CFAP44: variants seen among roughly 807,000 people sequenced by gnomAD.
The protein encoded by CFAP44 is cilia- and flagella-associated protein 44.
CFAP44 carries 134 observed loss-of-function variants against 216.2 expected under a neutral mutation model. That is an observed-to-expected ratio of 0.62 (90% CI 0.54 to 0.72). CFAP44 has a LOEUF of 0.72. CFAP44 is among the 30% of genes least tolerant of loss of function. The pLI, the probability that CFAP44 is intolerant of heterozygous loss-of-function variation, is 0.00. For missense variants in CFAP44, 2,035 were observed against 2,182.1 expected (o/e 0.93, Z 1.34); for synonymous variants, 700 against 727.6 (o/e 0.96, Z 0.61).
At chr3:113,343,862 A>G (rs1950357551) in intron 23 of CFAP44, among the ~76,000 whole-genome samples, 1 of 152,210 alleles carries the variant, frequency 6.6e-6, no homozygotes, top group African/African-American at 2.4e-5. Context: ...TAATGTTCGT[A>G]TTATATCACT....
In CFAP44 at chr3:113,426,254, C is replaced by A. The variant is rs747166992; in HGVS notation, c.277G>T (p.Ala93Ser). The A allele has an allele frequency of 4.3e-6, 7 of 1,613,968 alleles. No homozygotes were observed. In the South Asian group the frequency reaches 5.5e-5, roughly 13 times the overall value. The change falls in exon 4 of 35, where the codon GCT becomes TCT. Residue 93 changes from alanine to serine, a missense_variant. Physicochemically the swap from Ala to Ser is moderately conservative, Grantham distance 99 (BLOSUM62 1). Coordinates refer to ENST00000393845, the MANE Select transcript of CFAP44 (RefSeq NM_001164496.2). ...TTVPQQTPAP[A>S]VEEAEEEVKK... is the part of the protein sequence containing the mutation. The stretch of plus-strand genomic sequence containing the variant: ...ACTTCCTCCTCTGCTTCTTCCACAG[C>A]TGGAGCAGGGGTTTGCTGAGGTACT...
chr3:113,432,307 T>C (rs1213944399), intron 2 of CFAP44: 2 of 152,244 alleles, frequency 1.3e-5, no homozygotes, highest in African/African-American at 4.8e-5. Flanking sequence ...ACCATTTCTG[T>C]TCTATAAACC....
chr3:113,346,785 C>T (rs140194770), intron 22 of CFAP44, among the ~76,000 whole-genome samples: 6,284 of 152,264 alleles, frequency 0.041, 427 homozygotes, highest in African/African-American at 0.14. Flanking sequence ...TGGGCAGGGA[C>T]AAATAAGGGA....
At position 113,381,058 on chromosome 3, in the gene CFAP44, A is replaced by G. The variant is rs1559930351; in HGVS notation, c.1893T>C (p.Pro631=). The G allele has an allele frequency of 6.5e-7, 1 of 1,548,726 alleles. No individual in the cohort carries two copies. The highest frequency in any genetic ancestry group is 1.3e-5 in the South Asian group (1 of 77,314). Residue 631 remains proline, a splice_region_variant and synonymous_variant, in exon 16 of 35, where the codon CCT becomes CCC. Transcript: ENST00000393845. The stretch of plus-strand genomic sequence containing the variant: ...CACAGATAATTAGTAAAGTACTTTC[A>G]GGCTAAAAAAGAAAAATTGAACATA... ...CQLMWSPMSH[P]ESTLLIICEN...
At chr3:113,324,539 G>T (rs1228811255) in intron 28 of CFAP44, among the ~76,000 whole-genome samples, 1 of 152,008 alleles carries the variant, frequency 6.6e-6, no homozygotes, top group Non-Finnish European at 1.5e-5. Flanking sequence ...ATGTAGACAG[G>T]CATCTGACAA....
intron 1 of CFAP44, among the ~76,000 whole-genome samples, chr3:113,436,265 G>C (rs1935239803): frequency 6.6e-6 from 1 of 151,890 alleles, no homozygotes. Flanking sequence ...GAATTATGCA[G>C]CCAATTCAGT....
rs77865517 is a variant in CFAP44 at position 113,358,774 on chromosome 3, A to G, written c.3036T>C (p.His1012=). The change falls in exon 22 of 35, where the codon CAT becomes CAC. Residue 1012 remains histidine, a synonymous_variant. Transcript: ENST00000393845. ...EKELAWEKEK[H]ELGLMKLKNR... is the part of the protein sequence containing the mutation. ...TCTTTAGCTTCATTAGGCCGAGTTC[A>G]TGTTTCTCTTTTTCCCAAGCTAATT... 185 of 1,536,738 alleles carry G rather than the reference A, an allele frequency of 1.2e-4. No individual in the cohort carries two copies. In the African/African-American group the frequency reaches 2.4e-3, roughly 20 times the overall value.
intron 3 of CFAP44, 73 bp from the exon 4 acceptor site, chr3:113,426,350 G>A: frequency 6.6e-7 from 1 of 1,516,168 alleles, no homozygotes; most frequent in South Asian, 1.2e-5. Context: ...AACTTGAATT[G>A]TAGTTCCCAT....
At chr3:113,328,696 T>TAAAAAAAAAA (rs58650082) in intron 26 of CFAP44, among the ~76,000 whole-genome samples, 5 of 28,530 alleles carry the variant, frequency 1.8e-4, no homozygotes, top group Admixed American at 5.4e-4. Flanking sequence ...TTAGAGAGCT[T>TAAAAAAAAAA]AAAAAAAAAA....
intron 31 of CFAP44, among the ~76,000 whole-genome samples, chr3:113,304,712 T>C (rs1220875096): frequency 6.6e-6 from 1 of 152,236 alleles, no homozygotes; most frequent in African/African-American, 2.4e-5. Context: ...ATAAAGATGG[T>C]GTGAAAAGTG....
chr3:113,365,970 T>A, intron 19 of CFAP44, 69 bp downstream of exon 19: 8 of 1,482,562 alleles, frequency 5.4e-6, no homozygotes, highest in Non-Finnish European at 7.3e-6. Flanking sequence ...ATAACGAATA[T>A]GAACAATTTT....
At chr3:113,324,619 G>T (rs1950174064) in intron 28 of CFAP44, among the ~76,000 whole-genome samples, 1 of 152,058 alleles carries the variant, frequency 6.6e-6, no homozygotes. Flanking sequence ...TAACTTAATA[G>T]AGTATCTATA....
At chr3:113,420,232 T>C (rs1479213060) in intron 4 of CFAP44, 53 bp from the exon 5 acceptor site, 3 of 1,494,572 alleles carry the variant, frequency 2.0e-6, no homozygotes, top group African/African-American at 2.8e-5. Context: ...ATCCTAGGGA[T>C]TGGAAAAGTG....
intron 31 of CFAP44, chr3:113,304,397 T>C: frequency 2.7e-6 from 1 of 375,668 alleles, no homozygotes; most frequent in Non-Finnish European, 4.8e-6. Flanking sequence ...AGGGCTGGCA[T>C]ACTAGGCAAA....
Position 113,426,151 on chromosome 3 carries a change from T to C in CFAP44, c.380A>G (p.Asn127Ser), listed in dbSNP as rs984951544. 1.9e-6 allele frequency: 3 copies of C among 1,614,090 alleles called. No homozygotes were observed. Among genetic ancestry groups the C allele is most frequent in the Non-Finnish European group, 2.5e-6 (3 of 1,179,956 alleles). ...AAGTGTGAGAAGATCCAGTGGTATG[T>C]TTGAATCCAGAGTCACAAAAGGCAT... ...ASMPFVTLDS[N>S]IPLDLLTLVH... Residue 127 changes from asparagine to serine, a missense_variant, in exon 4 of 35, where the codon AAC (asparagine) becomes AGC (serine). Physicochemically the swap from Asn to Ser is conservative, Grantham distance 46 (BLOSUM62 1). Coordinates refer to ENST00000393845, the MANE Select transcript of CFAP44 (RefSeq NM_001164496.2).
intron 32 of CFAP44, among the ~76,000 whole-genome samples, chr3:113,302,042 T>C (rs1489877786): frequency 6.6e-6 from 1 of 152,198 alleles, no homozygotes; most frequent in Non-Finnish European, 1.5e-5. Context: ...TTTCTGTGCC[T>C]CTTATTTCAC....
intron 24 of CFAP44, among the ~76,000 whole-genome samples, chr3:113,340,037 G>A (rs1000311495): frequency 3.3e-5 from 5 of 152,178 alleles, no homozygotes; most frequent in African/African-American, 1.2e-4. Flanking sequence ...CATGTCCATT[G>A]GCCCTGTGGG....
chr3:113,401,084 A>T (rs1463692508), intron 11 of CFAP44, among the ~76,000 whole-genome samples, 156 bp downstream of exon 11: 3 of 152,194 alleles, frequency 2.0e-5, no homozygotes, highest in Non-Finnish European at 4.4e-5. Context: ...GTAAAATCAT[A>T]ACGAGAGAGA....
Position 113,427,277 on chromosome 3 carries a change from C to T in CFAP44, c.163G>A (p.Glu55Lys). The change falls in exon 3 of 35, where the codon GAA becomes AAA. Residue 55 changes from glutamate (E) to lysine (K), a missense_variant. By Grantham distance (56) the Glu-to-Lys change is moderately conservative. This residue lies in a region of CFAP44 where 149 missense variants were observed against 141.8 expected (regional missense o/e 1.05). Coordinates refer to ENST00000393845, the MANE Select transcript of CFAP44 (RefSeq NM_001164496.2). ...GAGTCTTCTTCTAAATATGATCCTT[C>T]CCCTTTGGTAAATGTTTCATCTGTG... ...DDTDETFTKG[E>K]GSYLEEDSDE... 4 of 1,613,244 alleles carry T rather than the reference C, an allele frequency of 2.5e-6. No individual in the cohort carries two copies. Among genetic ancestry groups the T allele is most frequent in the Non-Finnish European group, 3.4e-6 (4 of 1,179,542 alleles).
Sources: allele counts gnomAD v4.1 joint callset (sites outside exome capture counted in the v4.1 genomes callset), GRCh38; gene constraint gnomAD v4.1.1; regional missense constraint gnomAD v4.1.1; transcripts MANE v1.5; gene names NCBI Gene and HGNC (gene_info 2026-07-23, HGNC 2026-07-21).